The following CPSF7 variants were observed in gnomAD, a reference collection of about 807,000 sequenced individuals.
CPSF7 encodes the protein cleavage and polyadenylation specific factor 7.
A neutral mutation model predicts 44.3 loss-of-function variants in CPSF7; 1 was observed. The ratio of observed to expected loss-of-function variants is 0.02; its 90% CI spans 0.01 to 0.11. CPSF7 has a LOEUF of 0.11. CPSF7 is among the 10% of genes least tolerant of loss of function. The pLI, the probability that CPSF7 is intolerant of heterozygous loss-of-function variation, is 1.00. For synonymous variants in CPSF7, 202 were observed against 222.0 expected (o/e 0.91, Z 0.80); for missense variants, 443 against 607.2 (o/e 0.73, Z 2.84).
Position 61,415,833 on chromosome 11 carries a change from T to C in CPSF7, c.939-49A>G, listed in dbSNP as rs1282223814. ...TGATTGCTCACATCCCTTATTATTTTTACTGTACTCTACAACACTTTGGTA... is the reference window on the plus strand; with the variant it reads ...TGATTGCTCACATCCCTTATTATTTCTACTGTACTCTACAACACTTTGGTA... On this transcript the variant is annotated intron_variant, in intron 6 of 9. Coordinates refer to ENST00000439958, the MANE Select transcript of CPSF7 (RefSeq NM_001142565.3). 4 of 1,316,416 alleles carry C rather than the reference T, an allele frequency of 3.0e-6. No individual in the cohort carries two copies. In the African/African-American group the frequency reaches 5.8e-5, roughly 19 times the overall value. The allele number at this position is 1,316,416 out of a possible 1,614,324, so 81.5% of individuals were successfully genotyped here. A position where few individuals can be genotyped will look rare whatever the true frequency, so the allele number is the denominator to read the frequency against.
Position 61,416,132 on chromosome 11 carries a change from G to A in CPSF7, c.911C>T (p.Ala304Val), listed in dbSNP as rs1241115864. The A allele has an allele frequency of 6.6e-7, 1 of 1,509,506 alleles. No homozygotes were observed. The highest frequency in any genetic ancestry group is 8.8e-7 in the Non-Finnish European group (1 of 1,130,978). The allele number at this position is 1,509,506 out of a possible 1,614,324, so 93.5% of individuals were successfully genotyped here. Reference sequence around the variant, plus strand: ...GCCATGGTGGTTATAGGGGGCAGAGGCCTTCATGTAAGTATCTGGTGGAGG... The same window carrying A: ...GCCATGGTGGTTATAGGGGGCAGAGACCTTCATGTAAGTATCTGGTGGAGG... ...VGPPPDTYMK[A>V]SAPYNHHGSR... Residue 304 changes from alanine to valine, a missense_variant, in exon 6 of 10, where the codon GCC becomes GTC. By Grantham distance (64) the Ala-to-Val change is moderately conservative (BLOSUM62 0). Coordinates refer to ENST00000439958, the MANE Select transcript of CPSF7 (RefSeq NM_001142565.3).
At chr11:61,429,386 G>C (rs917000498) in intron 1 of CPSF7, 96 bp from the exon 2 acceptor site, 2 of 728,350 alleles carry the variant, frequency 2.7e-6, no homozygotes, top group Non-Finnish European at 2.4e-6. Flanking sequence ...CAGAGACGCA[G>C]CATCCTGGCG....
intron 9 of CPSF7, among the ~76,000 whole-genome samples, chr11:61,407,657 G>A (rs1189604731): frequency 6.6e-6 from 1 of 152,150 alleles, no homozygotes; most frequent in Non-Finnish European, 1.5e-5. Context: ...AGGATTTTGT[G>A]GAATAAATGA....
chr11:61,411,364 C>G (rs1056354664), intron 8 of CPSF7, among the ~76,000 whole-genome samples: 1 of 152,138 alleles, frequency 6.6e-6, no homozygotes, highest in East Asian at 1.9e-4. Flanking sequence ...ATCTTTACAA[C>G]AGGTCTGTAA....
At chr11:61,426,322 TTTTG>T (rs1861334481) in intron 2 of CPSF7, 1 of 152,092 alleles carries the variant, frequency 6.6e-6, no homozygotes, top group African/African-American at 2.4e-5. Context: ...GCCAAAGTTT[TTTTG>T]TTTTTTTGTT....
In CPSF7 at chr11:61,411,972, G is replaced by A. The variant is rs1224021076; in HGVS notation, c.1058-35C>T. ...GATGAAGGAGAAAGGCCAAGGGTGA[G>A]GAGAGATGGTAAACTAACTGGACCA... On this transcript the variant is annotated intron_variant, in intron 7 of 9. Transcript: ENST00000439958. The A allele has an allele frequency of 2.5e-6, 4 of 1,593,088 alleles. No homozygotes were observed. In the African/African-American group the frequency reaches 4.0e-5, roughly 16 times the overall value.
chr11:61,405,304 A>G (rs1030430187), intron 9 of CPSF7, among the ~76,000 whole-genome samples: 6 of 152,164 alleles, frequency 3.9e-5, no homozygotes, highest in Non-Finnish European at 8.8e-5. Context: ...TGCCTTTATG[A>G]GTATGTGTGT....
chr11:61,421,537 T>C lies in CPSF7; in HGVS notation c.126A>G (p.Ser42=), dbSNP rs372886984. The C allele has an allele frequency of 2.5e-6, 4 of 1,614,030 alleles. No homozygotes were observed. The African/African-American group carries it at 4.0e-5, about 16-fold the overall frequency. ...GTTCAGTGCTGCTGCTTCTGTCATC[T>C]GAGGGCTGTGAGGTGGCTGTCAGCA... ...DDVLTATSQP[S]DDRSSSTEPP... The change falls in exon 3 of 10, where the codon TCA becomes TCG. Residue 42 remains serine, a synonymous_variant. Coordinates refer to ENST00000439958, the MANE Select transcript of CPSF7 (RefSeq NM_001142565.3).
At chr11:61,426,599 T>A (rs550643257) in intron 2 of CPSF7, 2 of 152,316 alleles carry the variant, frequency 1.3e-5, no homozygotes, top group African/African-American at 4.8e-5. Flanking sequence ...GAGAACAAAC[T>A]ATTGAGGCCA....
intron 8 of CPSF7, 67 bp downstream of exon 8, chr11:61,411,701 TC>T: frequency 1.4e-6 from 2 of 1,427,724 alleles, no homozygotes; most frequent in Non-Finnish European, 9.6e-7. Flanking sequence ...GCTCCATTTG[TC>T]CCCACTCCCT....
intron 3 of CPSF7, 80 bp from the exon 4 acceptor site, chr11:61,420,653 G>T: frequency 1.8e-6 from 2 of 1,084,258 alleles, no homozygotes; most frequent in Non-Finnish European, 2.8e-6. Context: ...CAGGATTCTA[G>T]TCACAACTAA....
intron 9 of CPSF7, among the ~76,000 whole-genome samples, chr11:61,408,548 C>G (rs919948460): frequency 6.6e-6 from 1 of 152,154 alleles, no homozygotes; most frequent in Non-Finnish European, 1.5e-5. Flanking sequence ...CAGACAGACC[C>G]CTAGCCACTC....
rs1234015898 is a variant in CPSF7, at chr11:61,404,525, G to C, written c.*185C>G. 1 of 152,574 alleles carries C rather than the reference G, an allele frequency of 6.6e-6. No individual in the cohort carries two copies. Among genetic ancestry groups the C allele is most frequent in the Non-Finnish European group, 1.5e-5 (1 of 68,052 alleles). The allele number at this position is 152,574 out of a possible 1,614,324, so 9.5% of individuals were successfully genotyped here. ...TTCCCCTGGCAAACAGGAGGTGTGG[G>C]ATTGGGAGGACTGCCAAGCAGTCTT... On this transcript the variant is annotated 3_prime_UTR_variant, in exon 10 of 10. Coordinates refer to ENST00000439958, the MANE Select transcript of CPSF7 (RefSeq NM_001142565.3).
In CPSF7 at chr11:61,404,613, G is replaced by C. The variant is rs979400084; in HGVS notation, c.*97C>G. The C allele has an allele frequency of 6.6e-6, 1 of 152,246 alleles. No homozygotes were observed. The highest frequency in any genetic ancestry group is 2.1e-4 in the South Asian group (1 of 4,820). 9.4% of individuals were successfully genotyped at this position (152,246 alleles called of 1,614,324 possible). Reference sequence around the variant, plus strand: ...GAGGGAGTTAGGGGTTTGGAGGAAAGGGAAGGGGGTGGGGCGGCCTCCGTC... The same window carrying C: ...GAGGGAGTTAGGGGTTTGGAGGAAACGGAAGGGGGTGGGGCGGCCTCCGTC... On this transcript the variant is annotated 3_prime_UTR_variant, in exon 10 of 10. Transcript: ENST00000439958.
At position 61,420,526 on chromosome 11, in the gene CPSF7, G is replaced by C. The variant is rs755940596; in HGVS notation, c.321C>G (p.Val107=). Residue 107 remains valine, a synonymous_variant, in exon 4 of 10, where the codon GTC becomes GTG. Transcript: ENST00000439958. ...CAAATTTCAACTCCACCACATCATA[G>C]ACTCCTATAGAGCGAATAACCTGGA... is the stretch of plus-strand genomic sequence containing the variant. The part of the protein sequence containing the change: ...QLIQVIRSIG[V]YDVVELKFAE... 2 of 1,614,148 alleles carry C rather than the reference G, an allele frequency of 1.2e-6. No homozygotes were observed. Among genetic ancestry groups the C allele is most frequent in the Admixed American group, 1.7e-5 (1 of 60,032 alleles).
At chr11:61,418,699 T>C (rs999359555) in intron 5 of CPSF7, among the ~76,000 whole-genome samples, 3 of 151,664 alleles carry the variant, frequency 2.0e-5, no homozygotes, top group Non-Finnish European at 4.4e-5. Flanking sequence ...CAAACTAAGG[T>C]AGTTCTGAGG....
chr11:61,411,334 T>G (rs1226227628), intron 8 of CPSF7, among the ~76,000 whole-genome samples: 1 of 152,246 alleles, frequency 6.6e-6, no homozygotes. Flanking sequence ...CTAATAATTT[T>G]GTATGGATTA....
intron 9 of CPSF7, among the ~76,000 whole-genome samples, chr11:61,407,806 T>C (rs565163989): frequency 3.3e-5 from 5 of 152,334 alleles, no homozygotes; most frequent in African/African-American, 9.6e-5. Flanking sequence ...CAGAGGGCAG[T>C]AGCCAAACCT....
chr11:61,421,873 G>A (rs760044243), intron 2 of CPSF7, among the ~76,000 whole-genome samples: 1 of 152,182 alleles, frequency 6.6e-6, no homozygotes, highest in Non-Finnish European at 1.5e-5. Flanking sequence ...AAAAAGCACT[G>A]GGTGATTAAG....
Sources: allele counts gnomAD v4.1 joint callset (sites outside exome capture counted in the v4.1 genomes callset), GRCh38; gene constraint gnomAD v4.1.1; transcripts MANE v1.5; gene names NCBI Gene and HGNC (gene_info 2026-07-23, HGNC 2026-07-21).